Variants in TNFRSF21 observed in about 807,000 individuals in gnomAD.
The protein encoded by TNFRSF21 is tumor necrosis factor receptor superfamily member 21.
In TNFRSF21, 19 loss-of-function variants were observed where a neutral mutation model predicts 45.6. The observed-to-expected ratio is 0.42, with a 90% CI of 0.29 to 0.61. The LOEUF (loss-of-function observed/expected upper bound fraction) is 0.61, where lower values mean the gene tolerates loss of function less well. Among genes scored for constraint, TNFRSF21 ranks in the 20% least tolerant of loss-of-function variants. TNFRSF21 has a pLI of 0.23. For missense variants in TNFRSF21, 737 were observed against 851.5 expected (o/e 0.87, Z 1.67); for synonymous variants, 314 against 335.5 (o/e 0.94, Z 0.70).
In TNFRSF21 at chr6:47,286,123, G is replaced by A; in HGVS notation, c.569C>T (p.Thr190Ile). The A allele has an allele frequency of 6.2e-7, 1 of 1,614,216 alleles. No homozygotes were observed. The highest frequency in any genetic ancestry group is 8.5e-7 in the Non-Finnish European group (1 of 1,180,040). ...CACCAGGTTCTGACTCAGACAGTCT[G>A]TGTATGCTTTGCATTTCATCACACT... ...PSSVMKCKAY[T>I]DCLSQNLVVI... The change falls in exon 2 of 6, where the codon ACA becomes ATA. Residue 190 changes from threonine to isoleucine, a missense_variant. Thr to Ile is a moderately conservative substitution (Grantham distance 89). Coordinates refer to ENST00000296861, the MANE Select transcript of TNFRSF21 (RefSeq NM_014452.5).
chr6:47,235,084 T>A (rs58152326), intron 4 of TNFRSF21, among the ~76,000 whole-genome samples, 186 bp from the exon 5 acceptor site: 7,603 of 152,126 alleles, frequency 0.05, 586 homozygotes, highest in African/African-American at 0.17. Context: ...CCTTCAAAAA[T>A]ACAGTGAGGA....
At chr6:47,234,265 C>A (rs1274728061) in intron 5 of TNFRSF21, among the ~76,000 whole-genome samples, 7 of 152,184 alleles carry the variant, frequency 4.6e-5, no homozygotes, top group Non-Finnish European at 1.0e-4. Flanking sequence ...GCGTGAGCTG[C>A]TGCGCACGGC....
chr6:47,301,028 T>C (rs531551589), intron 1 of TNFRSF21, among the ~76,000 whole-genome samples: 26 of 152,318 alleles, frequency 1.7e-4, no homozygotes, highest in Non-Finnish European at 2.8e-4. Context: ...GGGAATTGAA[T>C]TGAAATGACA....
At position 47,265,640 on chromosome 6, in the gene TNFRSF21, T is replaced by C. The variant is rs1431842332; in HGVS notation, c.1244-12119A>G. Reference sequence around the variant, plus strand: ...TATAGGGTTATGAAAATGAAGTTGATACTTATAAAAACTTAGAACAGGACA... The same window carrying C: ...TATAGGGTTATGAAAATGAAGTTGACACTTATAAAAACTTAGAACAGGACA... On this transcript the variant is annotated intron_variant, in intron 3 of 5. Transcript: ENST00000296861. 2.6e-5 allele frequency among the ~76,000 whole-genome samples: 4 copies of C among 152,314 alleles called. No homozygotes were observed. In the East Asian group the frequency reaches 7.7e-4, roughly 29 times the overall value.
intron 3 of TNFRSF21, among the ~76,000 whole-genome samples, chr6:47,264,444 G>A (rs557240407): frequency 9.8e-4 from 149 of 152,198 alleles, no homozygotes; most frequent in African/African-American, 3.4e-3. Flanking sequence ...GAACCTGGGA[G>A]GCAGAGGTTG....
chr6:47,301,960 C>A (rs549927539), intron 1 of TNFRSF21, among the ~76,000 whole-genome samples: 3 of 152,194 alleles, frequency 2.0e-5, no homozygotes, highest in Admixed American at 6.5e-5. Flanking sequence ...CTTCCCAACA[C>A]CCCCACCTCT....
Position 47,237,971 on chromosome 6 carries a change from A to G in TNFRSF21, c.1510-3073T>C, listed in dbSNP as rs1406946419. 4.6e-5 allele frequency among the ~76,000 whole-genome samples: 7 copies of G among 152,086 alleles called. No individual in the cohort carries two copies. In the East Asian group the frequency reaches 1.3e-3, roughly 29 times the overall value. On this transcript the variant is annotated intron_variant, in intron 4 of 5. Transcript: ENST00000296861. ...AGTCTGAGGCAGGAGAATCGCTTGA[A>G]CCAGGGAGGTGGAGGTTGCAGTGAG...
chr6:47,289,162 G>T (rs1373146513), intron 1 of TNFRSF21, among the ~76,000 whole-genome samples: 1 of 152,142 alleles, frequency 6.6e-6, no homozygotes, highest in Non-Finnish European at 1.5e-5. Flanking sequence ...GGAAATAATG[G>T]CTGCCTCAAA....
At chr6:47,303,577 TA>T (rs1762901815) in intron 1 of TNFRSF21, among the ~76,000 whole-genome samples, 1 of 152,180 alleles carries the variant, frequency 6.6e-6, no homozygotes, top group African/African-American at 2.4e-5. Context: ...CTGAGATCAC[TA>T]TTGCTTACTA....
In TNFRSF21 at chr6:47,309,440, C is replaced by A. The variant is rs1762985661; in HGVS notation, c.72G>T (p.Thr24=). ...CSRIARRATA[T]MIAGSLLLLG... is the part of the protein sequence containing the mutation. ...CCAGGAGAAGGGAGCCCGCGATCAT[C>A]GTGGCTGTGGCTCGGCGGGCGATGC... The change falls in exon 1 of 6, where the codon ACG becomes ACT. Residue 24 remains threonine, a synonymous_variant. Coordinates refer to ENST00000296861, the MANE Select transcript of TNFRSF21 (RefSeq NM_014452.5). 1 of 1,551,748 alleles carries A rather than the reference C, an allele frequency of 6.4e-7. No individual in the cohort carries two copies. The highest frequency in any genetic ancestry group is 8.7e-7 in the Non-Finnish European group (1 of 1,155,948).
chr6:47,236,499 T>A (rs1284596683), intron 4 of TNFRSF21, among the ~76,000 whole-genome samples: 1 of 152,204 alleles, frequency 6.6e-6, no homozygotes, highest in East Asian at 1.9e-4. Context: ...TTTTACAAAT[T>A]TTAAGGCCTG....
intron 1 of TNFRSF21, among the ~76,000 whole-genome samples, chr6:47,299,663 G>A (rs186099992): frequency 6.6e-4 from 100 of 152,180 alleles, no homozygotes; most frequent in African/African-American, 2.3e-3. Context: ...AATTACAAAG[G>A]TGATCATCCT....
At chr6:47,305,007 A>T (rs998533559) in intron 1 of TNFRSF21, among the ~76,000 whole-genome samples, 2 of 152,152 alleles carry the variant, frequency 1.3e-5, no homozygotes, top group African/African-American at 4.8e-5. Flanking sequence ...AGGCTAACGT[A>T]TGTCATTCTC....
At chr6:47,241,693 G>A (rs562897060) in intron 4 of TNFRSF21, among the ~76,000 whole-genome samples, 1 of 152,294 alleles carries the variant, frequency 6.6e-6, no homozygotes, top group African/African-American at 2.4e-5. Flanking sequence ...TTGTTGTAAT[G>A]TGCTTCCAAA....
At chr6:47,280,453 G>A (rs1762551211) in intron 3 of TNFRSF21, among the ~76,000 whole-genome samples, 1 of 152,292 alleles carries the variant, frequency 6.6e-6, no homozygotes. Flanking sequence ...TTTGAGACTA[G>A]CAATTTGGAA....
chr6:47,308,967 T>C (rs1582369278), intron 1 of TNFRSF21, among the ~76,000 whole-genome samples: 1 of 152,114 alleles, frequency 6.6e-6, no homozygotes, highest in Non-Finnish European at 1.5e-5. Context: ...CGACATGACA[T>C]TGCAGCTGCA....
At chr6:47,236,114 G>GCA (rs893486319) in intron 4 of TNFRSF21, among the ~76,000 whole-genome samples, 2 of 152,194 alleles carry the variant, frequency 1.3e-5, no homozygotes, top group African/African-American at 2.4e-5. Context: ...CCCAAAGAGG[G>GCA]CACACAGCTA....
rs539323635 is a variant in TNFRSF21 at position 47,245,597 on chromosome 6, A to AT, written c.1509+7658dup. ...TATTTATTAAAATTCTATGATGCAT[A>AT]TTTTTTTCACATTTTAACATCTCTG... On this transcript the variant is annotated intron_variant, in intron 4 of 5. Coordinates refer to ENST00000296861, the MANE Select transcript of TNFRSF21 (RefSeq NM_014452.5). 2.4e-3 allele frequency among the ~76,000 whole-genome samples: 359 copies of AT among 151,938 alleles called. 1 individual carries two copies. Among genetic ancestry groups the AT allele is most frequent in the Middle Eastern group, 0.017 (5 of 294 alleles).
chr6:47,280,696 C>T (rs1303568378), intron 3 of TNFRSF21, among the ~76,000 whole-genome samples: 2 of 152,134 alleles, frequency 1.3e-5, no homozygotes, highest in African/African-American at 4.8e-5. Context: ...AGGACACAGG[C>T]ATAGTAGTTT....
Sources: gnomAD v4.1 joint callset for allele counts (sites outside exome capture counted in the v4.1 genomes callset) on GRCh38, gnomAD v4.1.1 for gene constraint, MANE v1.5 for transcripts, NCBI Gene and HGNC (gene_info 2026-07-23, HGNC 2026-07-21) for gene names.